Variants in FBXO36 observed in about 807,000 individuals in gnomAD.
FBXO36 encodes F-box only protein 36.
Under a neutral mutation model 17.0 loss-of-function variants are expected in FBXO36, and 18 were observed. That is an observed-to-expected ratio of 1.06 (90% CI 0.73 to 1.57). The LOEUF (loss-of-function observed/expected upper bound fraction) is 1.57, where lower values mean the gene tolerates loss of function less well. Among genes scored for constraint, FBXO36 ranks in the 40% most tolerant of loss-of-function variants. The pLI is 0.00. For synonymous variants in FBXO36, 83 were observed against 85.3 expected, an observed-to-expected ratio of 0.97 and a Z score of 0.15; for missense variants, 229 against 221.9, an observed-to-expected ratio of 1.03 and a Z score of -0.20.
chr2:229,972,583 A>G (rs1167105582), intron 1 of FBXO36, among the ~76,000 whole-genome samples: 1 of 152,014 alleles, frequency 6.6e-6, no homozygotes, highest in Non-Finnish European at 1.5e-5. Flanking sequence ...CCTATGGAGC[A>G]TACTCTGTGT....
At chr2:229,947,123 A>C (rs950153097) in intron 1 of FBXO36, among the ~76,000 whole-genome samples, 1 of 151,752 alleles carries the variant, frequency 6.6e-6, no homozygotes, top group South Asian at 2.1e-4. Flanking sequence ...AGCCGAGATC[A>C]CACCATTGCA....
At chr2:229,944,494 T>G (rs900244511) in intron 1 of FBXO36, among the ~76,000 whole-genome samples, 12 of 152,318 alleles carry the variant, frequency 7.9e-5, no homozygotes, top group South Asian at 4.1e-4. Flanking sequence ...AATTCTTTTA[T>G]TAGTACCCAA....
rs1161188534 is a variant in FBXO36 at position 229,958,257 on chromosome 2, C to CTTTTT, written c.97-17961_97-17957dup. On this transcript the variant is annotated intron_variant, in intron 1 of 3. Transcript: ENST00000283946. ...ATTGTTTACAGAGAGCTCTGACTTTCTTTTTTTTTTTTTTTTTTTTTTTTT... is the reference window on the plus strand; with the variant it reads ...ATTGTTTACAGAGAGCTCTGACTTTCTTTTTTTTTTTTTTTTTTTTTTTTTTTTTT... Among the ~76,000 whole-genome samples, 101 of 78,700 alleles carry CTTTTT rather than the reference C, an allele frequency of 1.3e-3. 6 individuals carry two copies. Among genetic ancestry groups the CTTTTT allele is most frequent in the Non-Finnish European group, 1.7e-3 (68 of 40,924 alleles). 51.6% of individuals were successfully genotyped at this position (78,700 alleles called of 152,430 possible). A position where few individuals can be genotyped will look rare whatever the true frequency, so the allele number is the denominator to read the frequency against.
intron 2 of FBXO36, among the ~76,000 whole-genome samples, chr2:229,979,085 A>G (rs59217414): frequency 0.051 from 7,627 of 150,926 alleles, 661 homozygotes; most frequent in African/African-American, 0.17. Flanking sequence ...GCTGAGGATC[A>G]CTTGAACCTG....
intron 1 of FBXO36, among the ~76,000 whole-genome samples, chr2:229,964,503 C>T (rs1346403098): frequency 6.6e-6 from 1 of 152,144 alleles, no homozygotes; most frequent in African/African-American, 2.4e-5. Context: ...ACTGTTATTG[C>T]ATGTATCAGT....
chr2:230,006,850 C>T (rs1308904304), intron 3 of FBXO36, among the ~76,000 whole-genome samples: 1 of 152,198 alleles, frequency 6.6e-6, no homozygotes, highest in East Asian at 1.9e-4. Flanking sequence ...GACACATTCC[C>T]AAGAGCCAGA....
At chr2:229,930,134 G>A (rs1053810121) in intron 1 of FBXO36, among the ~76,000 whole-genome samples, 8 of 152,116 alleles carry the variant, frequency 5.3e-5, no homozygotes, top group Non-Finnish European at 1.0e-4. Flanking sequence ...GATCACTCGA[G>A]GCCAGGAATT....
At chr2:229,923,533 T>C (rs952828846) in intron 1 of FBXO36, among the ~76,000 whole-genome samples, 7 of 152,188 alleles carry the variant, frequency 4.6e-5, no homozygotes, top group Non-Finnish European at 2.9e-5. Context: ...ATTCCCTCAG[T>C]TTTTCCAGGA....
intron 2 of FBXO36, chr2:229,977,160 T>G (rs1346094328): frequency 6.6e-6 from 1 of 152,104 alleles, no homozygotes; most frequent in African/African-American, 2.4e-5. Context: ...AAACATTTTT[T>G]TTATTAAAAA....
At chr2:229,927,616 G>A (rs558907042) in intron 1 of FBXO36, among the ~76,000 whole-genome samples, 14 of 152,218 alleles carry the variant, frequency 9.2e-5, no homozygotes, top group East Asian at 3.9e-4. Flanking sequence ...GTGGTTGTCC[G>A]AAGAGCACCA....
At position 230,010,937 on chromosome 2, in the gene FBXO36, G is replaced by A. The variant is rs2077412877; in HGVS notation, c.*53G>A. 2 of 1,511,126 alleles carry A rather than the reference G, an allele frequency of 1.3e-6. No individual in the cohort carries two copies. The highest frequency in any genetic ancestry group is 1.8e-6 in the Non-Finnish European group (2 of 1,119,330). 93.6% of individuals were successfully genotyped at this position (1,511,126 alleles called of 1,614,324 possible). On this transcript the variant is annotated 3_prime_UTR_variant, in exon 4 of 4. Transcript: ENST00000283946. ...TCAGGCATGGCTGTGTTTCTCTTCA[G>A]TGTCCAAATCTCTTCTGTCTCCTTT...
chr2:229,976,243 A>C lies in FBXO36; in HGVS notation c.99A>C (p.Val33=), dbSNP rs1299806550. The part of the protein sequence containing the change: ...YYQLLVTRSQ[V]IFRWWKISLR... ...TATCACTTTGTATTTAATTATAGGT[A>C]ATCTTTAGATGGTGGAAGATCTCTC... The change falls in exon 2 of 4, where the codon GTA becomes GTC. Residue 33 remains valine, a splice_region_variant and synonymous_variant. Transcript: ENST00000283946. 6.3e-7 allele frequency: 1 copy of C among 1,589,986 alleles called. No individual in the cohort carries two copies. Among genetic ancestry groups the C allele is most frequent in the Non-Finnish European group, 8.6e-7 (1 of 1,169,484 alleles).
At chr2:229,965,688 C>G (rs543708155) in intron 1 of FBXO36, among the ~76,000 whole-genome samples, 1 of 152,190 alleles carries the variant, frequency 6.6e-6, no homozygotes, top group East Asian at 1.9e-4. Flanking sequence ...ATCCATGTCC[C>G]TACAAAGGAC....
chr2:229,988,299 A>T (rs1207600749), intron 2 of FBXO36, among the ~76,000 whole-genome samples: 1 of 152,220 alleles, frequency 6.6e-6, no homozygotes, highest in Non-Finnish European at 1.5e-5. Flanking sequence ...ACTCCTAGAA[A>T]GCTAGTAATA....
At chr2:229,941,449 C>T (rs759541214) in intron 1 of FBXO36, among the ~76,000 whole-genome samples, 25 of 150,622 alleles carry the variant, frequency 1.7e-4, no homozygotes, top group Non-Finnish European at 3.3e-4. Context: ...AGCGAGACTC[C>T]GTCTCAAAAA....
At chr2:229,959,671 C>T (rs2077110597) in intron 1 of FBXO36, among the ~76,000 whole-genome samples, 1 of 151,964 alleles carries the variant, frequency 6.6e-6, no homozygotes, top group African/African-American at 2.4e-5. Context: ...TGGTGAAACC[C>T]CATCTCTACT....
chr2:229,980,754 GT>G (rs1342722775), intron 2 of FBXO36, among the ~76,000 whole-genome samples: 1 of 152,136 alleles, frequency 6.6e-6, no homozygotes, highest in African/African-American at 2.4e-5. Context: ...TGCTGGCTGT[GT>G]TCCTGCTGGA....
intron 1 of FBXO36, chr2:229,942,939 A>C (rs1027239906): frequency 6.6e-6 from 1 of 152,240 alleles, no homozygotes; most frequent in African/African-American, 2.4e-5. Context: ...GGTTTTCCAC[A>C]GGAAAGCCAT....
intron 1 of FBXO36, among the ~76,000 whole-genome samples, chr2:229,946,268 G>A (rs542383126): frequency 2.8e-4 from 43 of 152,232 alleles, no homozygotes; most frequent in Non-Finnish European, 3.4e-4. Flanking sequence ...GTTTATGCTC[G>A]TCCTACCCCC....
Sources: allele counts gnomAD v4.1 joint callset (sites outside exome capture counted in the v4.1 genomes callset), GRCh38; gene constraint gnomAD v4.1.1; transcripts MANE v1.5; gene names NCBI Gene and HGNC (gene_info 2026-07-23, HGNC 2026-07-21).